The following GPHN variants were observed in gnomAD, a reference collection of about 807,000 sequenced individuals.
The protein encoded by GPHN is gephyrin.
Under a neutral mutation model 95.5 loss-of-function variants are expected in GPHN, and 17 were observed. The observed-to-expected ratio is 0.18, with a 90% CI of 0.12 to 0.27. The LOEUF is 0.27. GPHN is among the 10% of genes least tolerant of loss of function. The pLI is 1.00. For missense variants in GPHN, 660 were observed against 978.1 expected (o/e 0.67, Z 4.34); for synonymous variants, 320 against 322.5 (o/e 0.99, Z 0.08).
the GPHN span, chr14:67,575,744 C>T: frequency 3.8e-6 from 4 of 1,063,612 alleles, no homozygotes; most frequent in African/African-American, 1.6e-5. Flanking sequence ...CCCAGCTTCA[C>T]GGAGCCTATG....
chr14:67,700,288 T>C, the GPHN span, among the ~76,000 whole-genome samples: 1 of 152,162 alleles, frequency 6.6e-6, no homozygotes, highest in South Asian at 2.1e-4. Flanking sequence ...GCCCTGGTTA[T>C]AGGAAATAAT....
chr14:67,085,632 C>G (rs1314210371), intron 11 of GPHN, among the ~76,000 whole-genome samples: 3 of 152,328 alleles, frequency 2.0e-5, no homozygotes, highest in South Asian at 4.1e-4. Context: ...AGTGACTATA[C>G]TAACTGTTGA....
chr14:67,344,909 A>T, the GPHN span, among the ~76,000 whole-genome samples: 1 of 151,214 alleles, frequency 6.6e-6, no homozygotes, highest in Admixed American at 6.6e-5. Flanking sequence ...ACAAACAAAA[A>T]AAACAAGAGT....
the GPHN span, chr14:67,388,288 T>C: frequency 2.1e-5 from 34 of 1,611,578 alleles, no homozygotes; most frequent in South Asian, 3.6e-4. Context: ...ACCCACCCAC[T>C]GGCCTGTTCT....
At chr14:67,067,040 G>T (rs186450042) in intron 11 of GPHN, among the ~76,000 whole-genome samples, 2 of 152,326 alleles carry the variant, frequency 1.3e-5, no homozygotes, top group Admixed American at 6.5e-5. Context: ...CAGCTTTTCT[G>T]CTCTGGATTC....
chr14:67,088,886 G>A (rs1489827146), intron 11 of GPHN, 97 bp from the exon 12 acceptor site: 3 of 746,166 alleles, frequency 4.0e-6, no homozygotes, highest in African/African-American at 3.4e-5. Flanking sequence ...CCATTTACAA[G>A]CTGTGTCAGA....
At chr14:67,142,982 G>A in intron 17 of GPHN, 1 of 308,910 alleles carries the variant, frequency 3.2e-6, no homozygotes, top group Non-Finnish European at 6.3e-6. Context: ...CAACACCTCA[G>A]GTAACCAATT....
At chr14:66,655,250 C>T (rs191952532) in intron 1 of GPHN, among the ~76,000 whole-genome samples, 47 of 152,130 alleles carry the variant, frequency 3.1e-4, no homozygotes, top group Admixed American at 9.2e-4. Context: ...ATCTGTTATT[C>T]TGTATATTTA....
intron 2 of GPHN, among the ~76,000 whole-genome samples, chr14:66,712,740 C>A (rs955503811): frequency 3.0e-4 from 45 of 152,156 alleles, no homozygotes; most frequent in African/African-American, 1.1e-3. Context: ...CATAGTGGTT[C>A]TACTAGTTTA....
intron 19 of GPHN, among the ~76,000 whole-genome samples, chr14:67,163,116 G>A (rs1412160845): frequency 1.3e-5 from 2 of 151,896 alleles, no homozygotes; most frequent in Admixed American, 1.3e-4. Flanking sequence ...GACCAGCCTG[G>A]GCACATAGCG....
chr14:66,963,239 A>G (rs1179135267), intron 8 of GPHN, among the ~76,000 whole-genome samples: 4 of 151,988 alleles, frequency 2.6e-5, no homozygotes, highest in Non-Finnish European at 4.4e-5. Context: ...ACCTAGCCAC[A>G]AAATTTAAAC....
the GPHN span, chr14:67,592,881 G>GT: frequency 2.2e-4 from 111 of 500,012 alleles, no homozygotes; most frequent in South Asian, 2.7e-3. Context: ...TACCTCCCAG[G>GT]TTCAAGCGAT....
chr14:66,707,319 A>G (rs2069170843), intron 2 of GPHN, among the ~76,000 whole-genome samples: 1 of 152,196 alleles, frequency 6.6e-6, no homozygotes, highest in African/African-American at 2.4e-5. Context: ...CTGGGTATAT[A>G]CCCAGAGGAA....
the GPHN span, among the ~76,000 whole-genome samples, chr14:67,681,984 A>C: frequency 6.6e-6 from 1 of 152,170 alleles, no homozygotes; most frequent in Non-Finnish European, 1.5e-5. Context: ...CTATCATGGG[A>C]GTGGGTTTGT....
At chr14:67,102,745 G>A (rs993429423) in intron 13 of GPHN, among the ~76,000 whole-genome samples, 3 of 152,134 alleles carry the variant, frequency 2.0e-5, no homozygotes, top group African/African-American at 2.4e-5. Flanking sequence ...TTTGGCAAAC[G>A]CTATGTTCCA....
rs557865424 is a variant in GPHN, at chr14:66,894,943, A to G, written c.389+14910A>G. On this transcript the variant is annotated intron_variant, in intron 5 of 22. Transcript: ENST00000478722. ...AACTAGTTCAACCACTGTGGAAGAC[A>G]GTGTGTCGATTCCTCAAGGATCTAG... Among the ~76,000 whole-genome samples the G allele has an allele frequency of 3.3e-5, 5 of 152,350 alleles. No homozygotes were observed. In the East Asian group the frequency reaches 7.7e-4, roughly 23 times the overall value.
At chr14:67,498,388 C>T in the GPHN span, among the ~76,000 whole-genome samples, 4 of 152,124 alleles carry the variant, frequency 2.6e-5, no homozygotes, top group Non-Finnish European at 4.4e-5. Flanking sequence ...TTCAGCAAAC[C>T]TTCAGAAGGC....
At chr14:67,149,314 A>T (rs2081102409) in intron 18 of GPHN, among the ~76,000 whole-genome samples, 1 of 152,254 alleles carries the variant, frequency 6.6e-6, no homozygotes. Context: ...ATTGCACTCT[A>T]GCCTAGGCAA....
At chr14:67,656,455 C>A in the GPHN span, 1 of 1,613,566 alleles carries the variant, frequency 6.2e-7, no homozygotes, top group Non-Finnish European at 8.5e-7. Context: ...GTTGTTCCCC[C>A]AGCTCTTCTA....
Sources: allele counts gnomAD v4.1 joint callset (sites outside exome capture counted in the v4.1 genomes callset), GRCh38; gene constraint gnomAD v4.1.1; transcripts MANE v1.5; gene names NCBI Gene and HGNC (gene_info 2026-07-23, HGNC 2026-07-21).